IGSF11: variants seen among roughly 807,000 people sequenced by gnomAD.
IGSF11 encodes CXADR like 1.
IGSF11 carries 22 observed loss-of-function variants against 41.0 expected under a neutral mutation model. The observed-to-expected ratio is 0.54, with a 90% confidence interval of 0.38 to 0.77. The LOEUF is 0.77. IGSF11 is among the 30% of genes least tolerant of loss of function. The pLI is 0.00. For synonymous variants in IGSF11, 219 were observed against 201.3 expected, an observed-to-expected ratio of 1.09 and a Z score of -0.74; for missense variants, 444 against 530.8, an observed-to-expected ratio of 0.84 and a Z score of 1.61.
intron 1 of IGSF11, among the ~76,000 whole-genome samples, chr3:118,952,577 A>T (rs1262123839): frequency 3.3e-5 from 5 of 152,164 alleles, no homozygotes; most frequent in African/African-American, 1.2e-4. Flanking sequence ...TTATCATGAG[A>T]TTGCAACAAT....
intron 1 of IGSF11, among the ~76,000 whole-genome samples, chr3:118,940,783 A>T (rs1358666221): frequency 6.6e-6 from 1 of 151,946 alleles, no homozygotes; most frequent in African/African-American, 2.4e-5. Flanking sequence ...ACATATAGAG[A>T]GTCCAAAAAT....
At chr3:119,078,709 GA>G (rs2076541813) in intron 1 of IGSF11, among the ~76,000 whole-genome samples, 1 of 152,022 alleles carries the variant, frequency 6.6e-6, no homozygotes, top group South Asian at 2.1e-4. Context: ...AAGAAAAATT[GA>G]AAAATGGGAC....
chr3:119,053,377 C>G (rs767257758), intron 1 of IGSF11, among the ~76,000 whole-genome samples: 1 of 152,090 alleles, frequency 6.6e-6, no homozygotes, highest in African/African-American at 2.4e-5. Flanking sequence ...AGCGACCAAG[C>G]TGAGAATCAA....
intron 1 of IGSF11, among the ~76,000 whole-genome samples, chr3:119,067,404 C>T (rs945476367): frequency 3.3e-5 from 5 of 152,194 alleles, no homozygotes; most frequent in African/African-American, 9.7e-5. Context: ...TTCCAAGGTC[C>T]TCAGCCCACC....
intron 1 of IGSF11, among the ~76,000 whole-genome samples, chr3:119,135,071 T>C (rs551509638): frequency 7.9e-5 from 12 of 152,286 alleles, no homozygotes; most frequent in Non-Finnish European, 1.5e-4. Context: ...TCAAGACGGA[T>C]TAAAGACTTA....
At chr3:119,095,127 T>C (rs1179303985) in intron 1 of IGSF11, among the ~76,000 whole-genome samples, 1 of 152,142 alleles carries the variant, frequency 6.6e-6, no homozygotes, top group East Asian at 1.9e-4. Context: ...TCAAACAAAG[T>C]TGGTATTTGA....
chr3:118,998,688 T>C (rs1377156428), intron 1 of IGSF11, among the ~76,000 whole-genome samples: 1 of 152,124 alleles, frequency 6.6e-6, no homozygotes, highest in African/African-American at 2.4e-5. Flanking sequence ...AATACAAGAC[T>C]TTCAACTGCT....
chr3:119,119,652 C>T (rs541447597), intron 1 of IGSF11, among the ~76,000 whole-genome samples: 3 of 152,308 alleles, frequency 2.0e-5, no homozygotes, highest in Non-Finnish European at 2.9e-5. Context: ...CAAGAACCAT[C>T]CCCAGAACAC....
upstream of IGSF11, among the ~76,000 whole-genome samples, chr3:119,038,076 C>G (rs1940981067): frequency 6.6e-6 from 1 of 152,112 alleles, no homozygotes; most frequent in Non-Finnish European, 1.5e-5. Context: ...GTCTAGAGCA[C>G]AGTTTGGTCC....
chr3:119,083,495 C>T (rs971456552), intron 1 of IGSF11, among the ~76,000 whole-genome samples: 2 of 135,814 alleles, frequency 1.5e-5, no homozygotes, highest in African/African-American at 5.7e-5. Flanking sequence ...AACACTCTTA[C>T]CACAAAGATC....
intron 1 of IGSF11, among the ~76,000 whole-genome samples, chr3:119,112,071 C>T (rs959956672): frequency 3.3e-5 from 5 of 152,072 alleles, no homozygotes; most frequent in African/African-American, 1.2e-4. Context: ...AGGCAGTCTG[C>T]CCATTCTCAG....
At chr3:119,050,005 G>A (rs1478182981) in intron 1 of IGSF11, among the ~76,000 whole-genome samples, 2 of 146,192 alleles carry the variant, frequency 1.4e-5, no homozygotes, top group East Asian at 3.9e-4. Flanking sequence ...AATTCAAGAT[G>A]GATTAAAGAC....
At chr3:119,047,204 A>C (rs575543724) in intron 1 of IGSF11, among the ~76,000 whole-genome samples, 2 of 151,404 alleles carry the variant, frequency 1.3e-5, no homozygotes, top group East Asian at 1.9e-4. Context: ...ACACTGGCAA[A>C]TTGGATAAAG....
At chr3:119,061,245 G>T (rs556158486) in intron 1 of IGSF11, among the ~76,000 whole-genome samples, 1 of 151,846 alleles carries the variant, frequency 6.6e-6, no homozygotes, top group South Asian at 2.1e-4. Flanking sequence ...CTTCTTATGC[G>T]CCATTTCATA....
chr3:119,027,818 A>G (rs1437146232), intron 1 of IGSF11, among the ~76,000 whole-genome samples: 1 of 152,212 alleles, frequency 6.6e-6, no homozygotes, highest in Non-Finnish European at 1.5e-5. Context: ...GTCTTGATCA[A>G]CAAGGCTATC....
chr3:119,001,138 G>A (rs1388247639), intron 1 of IGSF11, among the ~76,000 whole-genome samples: 3 of 151,466 alleles, frequency 2.0e-5, no homozygotes, highest in East Asian at 1.9e-4. Context: ...CCTTCAATTC[G>A]CCTATATCCT....
chr3:118,942,095 C>A (rs1275491830), intron 1 of IGSF11, among the ~76,000 whole-genome samples: 1 of 152,070 alleles, frequency 6.6e-6, no homozygotes, highest in East Asian at 1.9e-4. Context: ...CAAAACATAG[C>A]AAACTATATA....
intron 1 of IGSF11, among the ~76,000 whole-genome samples, chr3:118,952,492 C>A (rs1944647381): frequency 6.6e-6 from 1 of 152,104 alleles, no homozygotes; most frequent in Non-Finnish European, 1.5e-5. Context: ...CACATCTTCA[C>A]CAGGAGTAGA....
intron 1 of IGSF11, among the ~76,000 whole-genome samples, chr3:119,101,896 G>A (rs980622999): frequency 1.3e-5 from 2 of 152,096 alleles, no homozygotes; most frequent in Admixed American, 6.6e-5. Context: ...TCTAATGTTA[G>A]TGAATTATAA....
Sources: allele counts gnomAD v4.1 joint callset (sites outside exome capture counted in the v4.1 genomes callset), GRCh38; gene constraint gnomAD v4.1.1; transcripts MANE v1.5; gene names NCBI Gene and HGNC (gene_info 2026-07-23, HGNC 2026-07-21).